PRKDC: variants seen among roughly 807,000 people sequenced by gnomAD.
PRKDC encodes protein kinase, DNA-activated, catalytic subunit.
Under a neutral mutation model 486.9 loss-of-function variants are expected in PRKDC, and 82 were observed. That is an observed-to-expected ratio of 0.17 (90% CI 0.14 to 0.20). The LOEUF is 0.20. Among genes scored for constraint, PRKDC ranks in the 10% least tolerant of loss-of-function variants. The pLI is 1.00. For synonymous variants in PRKDC, 1,895 were observed against 1,837.0 expected (o/e 1.03, Z -0.81); for missense variants, 4,504 against 5,038.2 (o/e 0.89, Z 3.21).
rs540006730 is a variant in PRKDC, at chr8:47,795,782, C to G, written c.10459-1281G>C. ...TGCTGGGATTACAGGCATGAGCCAC[C>G]GCGCCTGGTCCCCTGTACACGTAAC... On this transcript the variant is annotated intron_variant, in intron 73 of 85. Transcript: ENST00000314191. 1.2e-3 allele frequency among the ~76,000 whole-genome samples: 182 copies of G among 149,532 alleles called. 1 individual carries two copies. Among genetic ancestry groups the G allele is most frequent in the Non-Finnish European group, 6.4e-4 (43 of 67,192 alleles).
rs754565281 is a variant in PRKDC at position 47,837,337 on chromosome 8, A to G, written c.7636T>C (p.Tyr2546His). Residue 2546 changes from tyrosine to histidine, a missense_variant, in exon 57 of 86, where the codon TAT (tyrosine) becomes CAT (histidine). This residue lies in a region of PRKDC where 1,592 missense variants were observed against 1,724.6 expected (regional missense o/e 0.92). Transcript: ENST00000314191. ...AAGTGCACTTCTATCTTAGGAGAAT[A>G]TAAGGAATTTAGTGCCAGCAACCGG... ...LDRLLALNSL[Y>H]SPKIEVHFLS... is the part of the protein sequence containing the mutation. 5.0e-6 allele frequency: 8 copies of G among 1,613,262 alleles called. No individual in the cohort carries two copies. The highest frequency in any genetic ancestry group is 4.5e-5 in the East Asian group (2 of 44,876).
chr8:47,958,736 C>CTT (rs35991452), intron 1 of PRKDC, among the ~76,000 whole-genome samples: 10 of 138,558 alleles, frequency 7.2e-5, no homozygotes, highest in African/African-American at 1.3e-4. Context: ...TATATAGCAT[C>CTT]TTTTTTTTTT....
At position 47,936,609 on chromosome 8, in the gene PRKDC, C is replaced by T. The variant is rs536172739; in HGVS notation, c.1114-92G>A. 371 of 1,399,154 alleles carry T rather than the reference C, an allele frequency of 2.7e-4. 2 individuals are homozygous for T. In the African/African-American group the frequency reaches 4.8e-3, roughly 18 times the overall value. 86.7% of individuals were successfully genotyped at this position (1,399,154 alleles called of 1,614,324 possible). A position where few individuals can be genotyped will look rare whatever the true frequency, so the allele number is the denominator to read the frequency against. ...ATGTTAAGCCATGTGATTATAAACACAAGTTTAACAAGGCTTCTTTTTTTT... is the reference window on the plus strand; with the variant it reads ...ATGTTAAGCCATGTGATTATAAACATAAGTTTAACAAGGCTTCTTTTTTTT... On this transcript the variant is annotated intron_variant, in intron 11 of 85. Transcript: ENST00000314191.
chr8:47,840,998 C>A (rs1268472964), intron 54 of PRKDC, among the ~76,000 whole-genome samples: 1 of 152,212 alleles, frequency 6.6e-6, no homozygotes, highest in African/African-American at 2.4e-5. Context: ...AGAGGCAACA[C>A]AGACACTGAG....
At chr8:47,888,442 A>G (rs2089382725) in intron 34 of PRKDC, 76 bp downstream of exon 34, 1 of 1,305,630 alleles carries the variant, frequency 7.7e-7, no homozygotes, top group East Asian at 2.7e-5. Flanking sequence ...AAGGACTTTT[A>G]AGAAATAATA....
intron 10 of PRKDC, among the ~76,000 whole-genome samples, chr8:47,940,400 G>A (rs1274625004): frequency 2.0e-5 from 3 of 152,066 alleles, no homozygotes; most frequent in Non-Finnish European, 4.4e-5. Context: ...GAATAAGAAT[G>A]GAAGAAATCT....
intron 21 of PRKDC, among the ~76,000 whole-genome samples, chr8:47,923,607 T>C (rs1157059428): frequency 6.6e-6 from 1 of 152,324 alleles, no homozygotes; most frequent in East Asian, 1.9e-4. Flanking sequence ...ATCACCATTT[T>C]CACTCTCAAT....
In PRKDC at chr8:47,957,408, A is replaced by C; in HGVS notation, c.178T>G (p.Ser60Ala). The change falls in exon 2 of 86, where the codon TCC (serine) becomes GCC (alanine). Residue 60 changes from serine to alanine, a missense_variant. Ser to Ala is a moderately conservative substitution (Grantham distance 99). Coordinates refer to ENST00000314191, the MANE Select transcript of PRKDC (RefSeq NM_006904.7). ...VLALQTSLVF[S>A]RDFGLLVFVR... ...AATACAAGCAAACCGAAATCTCTGG[A>C]AAAAACTAAAGATGTCTGTAATGCT... 1 of 1,588,828 alleles carries C rather than the reference A, an allele frequency of 6.3e-7. No individual in the cohort carries two copies. Among genetic ancestry groups the C allele is most frequent in the South Asian group, 1.1e-5 (1 of 87,342 alleles).
intron 40 of PRKDC, among the ~76,000 whole-genome samples, chr8:47,876,963 C>T (rs1181814110): frequency 6.6e-6 from 1 of 152,198 alleles, no homozygotes; most frequent in Non-Finnish European, 1.5e-5. Context: ...AGACATTATG[C>T]ACCTCCTAAT....
At chr8:47,875,717 A>T (rs2154501209) in intron 40 of PRKDC, among the ~76,000 whole-genome samples, 1 of 152,324 alleles carries the variant, frequency 6.6e-6, no homozygotes, top group East Asian at 1.9e-4. Flanking sequence ...GATTCCCAAA[A>T]TTTCCTTGTG....
intron 40 of PRKDC, among the ~76,000 whole-genome samples, chr8:47,869,941 T>G (rs1273341709): frequency 2.6e-5 from 4 of 152,118 alleles, no homozygotes; most frequent in Non-Finnish European, 5.9e-5. Flanking sequence ...AGGCAGAGAC[T>G]TCTTTATTTT....
At position 47,864,338 on chromosome 8, in the gene PRKDC, T is replaced by C. The variant is rs551055069; in HGVS notation, c.5571+218A>G. Among the ~76,000 whole-genome samples the C allele has an allele frequency of 2.1e-4, 32 of 152,294 alleles. 1 individual carries two copies. The South Asian group carries it at 4.1e-3, about 20-fold the overall frequency. On this transcript the variant is annotated intron_variant, in intron 41 of 85. Coordinates refer to ENST00000314191, the MANE Select transcript of PRKDC (RefSeq NM_006904.7). ...GATGTCAGCCCAGTGAAACTGATTC[T>C]GGACTTCTGGCCTCCAGAAGTGTAA... is the stretch of plus-strand genomic sequence containing the variant.
At chr8:47,905,339 C>A (rs1356933634) in intron 25 of PRKDC, among the ~76,000 whole-genome samples, 24 of 152,206 alleles carry the variant, frequency 1.6e-4, no homozygotes, top group Non-Finnish European at 1.5e-5. Context: ...CCATTAGTTT[C>A]CTTTTCCAGT....
chr8:47,787,262 G>C (rs932093623), intron 76 of PRKDC, among the ~76,000 whole-genome samples: 7 of 152,138 alleles, frequency 4.6e-5, no homozygotes, highest in Non-Finnish European at 1.5e-5. Flanking sequence ...ACATAAATCT[G>C]GTGTAAATCA....
At chr8:47,803,251 A>T in intron 70 of PRKDC, 55 bp downstream of exon 70, 1 of 1,498,712 alleles carries the variant, frequency 6.7e-7, no homozygotes, top group South Asian at 1.4e-5. Context: ...GAAGATACAC[A>T]AGACAATATA....
chr8:47,858,755 A>G, intron 47 of PRKDC, 94 bp downstream of exon 47: 1 of 1,489,558 alleles, frequency 6.7e-7, no homozygotes, highest in South Asian at 1.4e-5. Context: ...TTTATTTGAT[A>G]AGCAGTTTGG....
intron 59 of PRKDC, among the ~76,000 whole-genome samples, chr8:47,832,678 G>C (rs2087913991): frequency 6.6e-6 from 1 of 152,168 alleles, no homozygotes; most frequent in Non-Finnish European, 1.5e-5. Context: ...ACGCAGGTGA[G>C]ATATCTAAGC....
rs897107037 is a variant in PRKDC at position 47,927,980 on chromosome 8, A to G, written c.2140-90T>C. ...AGTATTTGCCCTATTCTCAAATACA[A>G]AAATTGGCACGTAGCCTTTATTGAC... On this transcript the variant is annotated intron_variant, in intron 19 of 85. Coordinates refer to ENST00000314191, the MANE Select transcript of PRKDC (RefSeq NM_006904.7). The G allele has an allele frequency of 5.0e-6, 6 of 1,202,880 alleles. No homozygotes were observed. The African/African-American group carries it at 9.5e-5, about 19-fold the overall frequency. The allele number at this position is 1,202,880 out of a possible 1,614,324, so 74.5% of individuals were successfully genotyped here.
chr8:47,840,236 T>C (rs776041759), intron 54 of PRKDC, 47 bp from the exon 55 acceptor site: 19 of 1,491,268 alleles, frequency 1.3e-5, no homozygotes, highest in South Asian at 6.4e-5. Context: ...ATTTTTATTA[T>C]TGCACTTTCA....
Sources: allele counts gnomAD v4.1 joint callset (sites outside exome capture counted in the v4.1 genomes callset), GRCh38; gene constraint gnomAD v4.1.1; regional missense constraint gnomAD v4.1.1; transcripts MANE v1.5; gene names NCBI Gene and HGNC (gene_info 2026-07-23, HGNC 2026-07-21).